The following RSRC1 variants were observed in gnomAD, a reference collection of about 807,000 sequenced individuals.
RSRC1 encodes the protein serine/Arginine-related protein 53.
In RSRC1, 39 loss-of-function variants were observed where a neutral mutation model predicts 49.1. That is an observed-to-expected ratio of 0.79 (90% CI 0.61 to 1.04). The LOEUF is 1.04. Ranked by LOEUF, RSRC1 falls within the 50% of genes least tolerant of loss-of-function variation. The pLI is 0.00. For missense variants in RSRC1, 388 were observed against 402.4 expected, an observed-to-expected ratio of 0.96 and a Z score of 0.31; for synonymous variants, 143 against 130.8, an observed-to-expected ratio of 1.09 and a Z score of -0.63.
intron 6 of RSRC1, among the ~76,000 whole-genome samples, chr3:158,355,390 A>C (rs764762450): frequency 6.6e-6 from 1 of 151,638 alleles, no homozygotes; most frequent in Non-Finnish European, 1.5e-5. Flanking sequence ...TTATGGTTTT[A>C]CACTTTACAT....
At chr3:158,339,640 G>A (rs865776442) in intron 5 of RSRC1, among the ~76,000 whole-genome samples, 14 of 152,102 alleles carry the variant, frequency 9.2e-5, no homozygotes, top group African/African-American at 3.1e-4. Context: ...AGTAAATTAT[G>A]TATGACACTA....
At chr3:158,278,253 A>G (rs1330939334) in intron 4 of RSRC1, among the ~76,000 whole-genome samples, 1 of 152,214 alleles carries the variant, frequency 6.6e-6, no homozygotes, top group East Asian at 1.9e-4. Flanking sequence ...GTTTTTACAA[A>G]GTTTTTGCTG....
chr3:158,112,609 T>C (rs1482827322), intron 1 of RSRC1, among the ~76,000 whole-genome samples: 2 of 152,250 alleles, frequency 1.3e-5, no homozygotes, highest in Non-Finnish European at 2.9e-5. Context: ...TTGAAATATT[T>C]ATAGTTTTGT....
intron 5 of RSRC1, among the ~76,000 whole-genome samples, chr3:158,324,157 C>T (rs1206192931): frequency 6.6e-6 from 1 of 152,024 alleles, no homozygotes; most frequent in Non-Finnish European, 1.5e-5. Flanking sequence ...TTGTTAGGAA[C>T]TTACTGGTAT....
At chr3:158,129,047 T>C (rs74519827) in intron 3 of RSRC1, among the ~76,000 whole-genome samples, 2,364 of 152,220 alleles carry the variant, frequency 0.016, 83 homozygotes, top group African/African-American at 0.054. Flanking sequence ...GCCTGTGAAG[T>C]TACTATCTTT....
chr3:158,188,620 T>C (rs1403756721), intron 3 of RSRC1, among the ~76,000 whole-genome samples: 5 of 151,956 alleles, frequency 3.3e-5, no homozygotes, highest in African/African-American at 1.2e-4. Flanking sequence ...TTCATACATT[T>C]TATCTGCTTT....
At position 158,427,369 on chromosome 3, in the gene RSRC1, C is replaced by T. The variant is rs141717393; in HGVS notation, c.584-33566C>T. On this transcript the variant is annotated intron_variant, in intron 6 of 9. Transcript: ENST00000611884. ...TCTCCAAATGTATGCATTACTTTAACGCAGTTATTCAAAATCCCAACAGGA... is the reference window on the plus strand; with the variant it reads ...TCTCCAAATGTATGCATTACTTTAATGCAGTTATTCAAAATCCCAACAGGA... 2.2e-4 allele frequency among the ~76,000 whole-genome samples: 34 copies of T among 151,840 alleles called. No individual in the cohort carries two copies. In the South Asian group the frequency reaches 3.9e-3, roughly 18 times the overall value.
intron 3 of RSRC1, among the ~76,000 whole-genome samples, chr3:158,197,509 G>T (rs1045177688): frequency 3.9e-5 from 6 of 152,004 alleles, no homozygotes; most frequent in Non-Finnish European, 7.4e-5. Flanking sequence ...CTTCAGTTCT[G>T]CTCTGATGTT....
At chr3:158,397,440 G>A (rs746652600) in intron 6 of RSRC1, among the ~76,000 whole-genome samples, 16 of 152,084 alleles carry the variant, frequency 1.1e-4, no homozygotes, top group Non-Finnish European at 1.9e-4. Context: ...ATAGGGAGAC[G>A]GAAATACCAT....
intron 3 of RSRC1, among the ~76,000 whole-genome samples, chr3:158,197,273 T>G (rs1161144336): frequency 6.6e-6 from 1 of 152,216 alleles, no homozygotes; most frequent in Non-Finnish European, 1.5e-5. Context: ...TTCTAGATTT[T>G]CTAGTTTATT....
At position 158,347,082 on chromosome 3, in the gene RSRC1, A is replaced by G. The variant is rs76531802; in HGVS notation, c.532-7775A>G. 8.6e-3 allele frequency among the ~76,000 whole-genome samples: 1,303 copies of G among 152,346 alleles called. 15 individuals are homozygous for G. Among genetic ancestry groups the G allele is most frequent in the Non-Finnish European group, 0.012 (840 of 68,024 alleles). ...AGCTATCTGAAAATGTTTTAGGAAA[A>G]ATAGGAGTAACACATGTGCTTGGCA... is the stretch of plus-strand genomic sequence containing the variant. On this transcript the variant is annotated intron_variant, in intron 5 of 9. Coordinates refer to ENST00000611884, the MANE Select transcript of RSRC1 (RefSeq NM_001271838.2).
intron 5 of RSRC1, among the ~76,000 whole-genome samples, chr3:158,351,080 A>G (rs926055801): frequency 8.5e-5 from 13 of 152,120 alleles, no homozygotes; most frequent in Admixed American, 3.3e-4. Flanking sequence ...CCTTCTCTTC[A>G]TTTTCATTTT....
intron 4 of RSRC1, among the ~76,000 whole-genome samples, chr3:158,283,542 G>A (rs934186020): frequency 5.3e-5 from 8 of 151,512 alleles, no homozygotes; most frequent in Admixed American, 6.6e-5. Flanking sequence ...AGACCATTTC[G>A]TGAAAATACA....
At chr3:158,296,818 A>G (rs1426287015) in intron 4 of RSRC1, among the ~76,000 whole-genome samples, 1 of 152,020 alleles carries the variant, frequency 6.6e-6, no homozygotes, top group Non-Finnish European at 1.5e-5. Context: ...GAATGGCTGA[A>G]AATTAGTACT....
intron 3 of RSRC1, chr3:158,136,788 C>T (rs1045233657): frequency 1.3e-5 from 2 of 151,854 alleles, no homozygotes; most frequent in East Asian, 1.9e-4. Flanking sequence ...ATAGAGAAAA[C>T]GAGAAAATTG....
intron 9 of RSRC1, 48 bp from the exon 10 acceptor site, chr3:158,544,135 A>G: frequency 2.3e-6 from 3 of 1,295,348 alleles, no homozygotes; most frequent in Non-Finnish European, 3.3e-6. Flanking sequence ...GTCAAATTCA[A>G]GTTATTGGGA....
At chr3:158,292,033 A>G (rs1265743260) in intron 4 of RSRC1, among the ~76,000 whole-genome samples, 1 of 152,218 alleles carries the variant, frequency 6.6e-6, no homozygotes. Context: ...TAATTGATAC[A>G]TGGCATCTTC....
At chr3:158,166,250 T>C (rs1417519284) in intron 3 of RSRC1, among the ~76,000 whole-genome samples, 1 of 152,170 alleles carries the variant, frequency 6.6e-6, no homozygotes, top group Non-Finnish European at 1.5e-5. Context: ...GAATGTCAAT[T>C]TTAAATAGTG....
intron 3 of RSRC1, among the ~76,000 whole-genome samples, chr3:158,177,402 T>A (rs112618665): frequency 0.013 from 1,985 of 152,276 alleles, 20 homozygotes; most frequent in Non-Finnish European, 0.021. Flanking sequence ...CAAATGCCCA[T>A]CAGTGATAGA....
Sources: gnomAD v4.1 joint callset for allele counts (sites outside exome capture counted in the v4.1 genomes callset) on GRCh38, gnomAD v4.1.1 for gene constraint, MANE v1.5 for transcripts, NCBI Gene and HGNC (gene_info 2026-07-23, HGNC 2026-07-21) for gene names.